The following FOXN3 variants were observed in gnomAD, a reference collection of about 807,000 sequenced individuals.
The protein encoded by FOXN3 is forkhead box protein N3.
A neutral mutation model predicts 38.4 loss-of-function variants in FOXN3; 7 were observed. That is an observed-to-expected ratio of 0.18 (90% CI 0.10 to 0.34). The LOEUF (loss-of-function observed/expected upper bound fraction) is 0.34, where lower values mean the gene tolerates loss of function less well. FOXN3 is among the 10% of genes least tolerant of loss of function. The probability of loss-of-function intolerance (pLI) is 1.00; values close to 1 mark genes in which losing one functional copy is unlikely to be tolerated. For synonymous variants in FOXN3, 230 were observed against 242.2 expected, an observed-to-expected ratio of 0.95 and a Z score of 0.47; for missense variants, 456 against 613.4, an observed-to-expected ratio of 0.74 and a Z score of 2.71.
chr14:89,569,948 T>A (rs1332533195), intron 1 of FOXN3, among the ~76,000 whole-genome samples: 1 of 151,830 alleles, frequency 6.6e-6, no homozygotes, highest in Non-Finnish European at 1.5e-5. Context: ...CCGGCAAGGC[T>A]TACTTACTCA....
chr14:89,529,392 C>G (rs979075889), intron 1 of FOXN3, among the ~76,000 whole-genome samples: 1 of 152,188 alleles, frequency 6.6e-6, no homozygotes, highest in Non-Finnish European at 1.5e-5. Flanking sequence ...GCCAGTACAA[C>G]TTTACTGTTA....
Position 89,164,696 on chromosome 14 carries a change from TCCA to T in FOXN3, c.852-1730_852-1728del, listed in dbSNP as rs1887195237. 6.6e-6 allele frequency among the ~76,000 whole-genome samples: 1 copy of T among 152,150 alleles called. No homozygotes were observed. Among genetic ancestry groups the T allele is most frequent in the Admixed American group, 6.5e-5 (1 of 15,280 alleles). Reference sequence around the variant, plus strand: ...GAAGCTTGGGAAATGACTGTGGGTCTCCACCACCATGACTCACCGGGCACACGC... The same window carrying T: ...GAAGCTTGGGAAATGACTGTGGGTCTCCACCATGACTCACCGGGCACACGC... On this transcript the variant is annotated intron_variant, in intron 5 of 5. Transcript: ENST00000557258. The surrounding 1 kb of genome is among the most constrained non-coding windows in gnomAD (Gnocchi z 4.3).
At chr14:89,177,009 CTTTTTTTTTT>C (rs34575638) in intron 5 of FOXN3, among the ~76,000 whole-genome samples, 1 of 114,220 alleles carries the variant, frequency 8.8e-6, no homozygotes, top group Admixed American at 9.1e-5. Flanking sequence ...CTCTTTCTTT[CTTTTTTTTTT>C]TTTTTTTTTT....
chr14:89,482,703 G>T (rs1001847826), intron 1 of FOXN3, among the ~76,000 whole-genome samples: 9 of 151,978 alleles, frequency 5.9e-5, no homozygotes, highest in Non-Finnish European at 1.3e-4. Context: ...GAGGCCAGGA[G>T]TTCAAGAGCA....
intron 1 of FOXN3, among the ~76,000 whole-genome samples, chr14:89,472,446 C>T (rs113057934): frequency 1.1e-4 from 16 of 150,048 alleles, no homozygotes; most frequent in East Asian, 4.0e-4. Context: ...GCAGGCCGGG[C>T]GCGGTGGCTC....
chr14:89,588,627 C>G (rs1895894298), intron 1 of FOXN3, among the ~76,000 whole-genome samples: 1 of 152,166 alleles, frequency 6.6e-6, no homozygotes, highest in African/African-American at 2.4e-5. Context: ...TCACCATGCC[C>G]AACCAAATAC....
intron 1 of FOXN3, among the ~76,000 whole-genome samples, chr14:89,538,172 T>A (rs1490280634): frequency 6.6e-6 from 1 of 152,206 alleles, no homozygotes; most frequent in Admixed American, 6.5e-5. Flanking sequence ...GAAAAACAGA[T>A]CCACGTAATG....
Position 89,180,817 on chromosome 14 carries a change from A to G in FOXN3, c.746-11T>C, listed in dbSNP as rs765771569. On this transcript the variant is annotated splice_polypyrimidine_tract_variant and intron_variant, in intron 4 of 5. Coordinates refer to ENST00000557258, the MANE Select transcript of FOXN3 (RefSeq NM_005197.4). The stretch of plus-strand genomic sequence containing the variant: ...TCACTCCTGGAGGAACTGAAAAAGC[A>G]AAGGGGAGAAAGACACCGCACGTGA... 3.1e-6 allele frequency: 5 copies of G among 1,595,078 alleles called. No homozygotes were observed. Among genetic ancestry groups the G allele is most frequent in the Non-Finnish European group, 3.4e-6 (4 of 1,167,826 alleles).
intron 1 of FOXN3, among the ~76,000 whole-genome samples, chr14:89,487,094 A>G (rs570306640): frequency 6.6e-6 from 1 of 152,316 alleles, no homozygotes; most frequent in Admixed American, 6.5e-5. Context: ...TGGGTAGACC[A>G]AGTGTACACG....
rs1267929590 is a variant in FOXN3 at position 89,444,006 on chromosome 14, T to TCA, written c.-14-31518_-14-31517dup. Among the ~76,000 whole-genome samples, 5 of 7,018 alleles carry TCA rather than the reference T, an allele frequency of 7.1e-4. 1 individual carries two copies. In the East Asian group the frequency reaches 0.029, roughly 41 times the overall value. The allele number at this position is 7,018 out of a possible 152,430, so 4.6% of individuals were successfully genotyped here. ...CCTGGGCAACAAGAATGAAACTCTG[T>TCA]CAAAAAAAAAAAAAAAAAAAAAAGC... On this transcript the variant is annotated intron_variant, in intron 1 of 6. Coordinates refer to the FOXN3 transcript ENST00000345097.
intron 2 of FOXN3, among the ~76,000 whole-genome samples, chr14:89,370,399 C>T (rs1566970545): frequency 6.6e-6 from 1 of 152,200 alleles, no homozygotes; most frequent in Non-Finnish European, 1.5e-5. Context: ...TGGGGTTGCC[C>T]CCATGACAAA....
rs1415959869 is a variant in FOXN3 at position 89,164,685 on chromosome 14, G to A, written c.852-1716C>T. ...GCTGAGAGCATGAAGCTTGGGAAAT[G>A]ACTGTGGGTCTCCACCACCATGACT... On this transcript the variant is annotated intron_variant, in intron 5 of 5. Coordinates refer to ENST00000557258, the MANE Select transcript of FOXN3 (RefSeq NM_005197.4). The surrounding 1 kb of genome is among the most constrained non-coding windows in gnomAD (Gnocchi z 4.3). 6.6e-6 allele frequency among the ~76,000 whole-genome samples: 1 copy of A among 152,182 alleles called. No individual in the cohort carries two copies. Among genetic ancestry groups the A allele is most frequent in the Non-Finnish European group, 1.5e-5 (1 of 68,032 alleles).
intron 1 of FOXN3, among the ~76,000 whole-genome samples, chr14:89,463,236 C>T (rs1426844213): frequency 4.6e-5 from 7 of 150,824 alleles, no homozygotes; most frequent in Admixed American, 2.6e-4. Flanking sequence ...CTGCAGTGAG[C>T]GGACTCCAGC....
At position 89,157,453 on chromosome 14, in the gene FOXN3, C is replaced by T. The variant is rs376578697; in HGVS notation, c.*4961G>A. On this transcript the variant is annotated 3_prime_UTR_variant, in exon 6 of 6. Transcript: ENST00000557258. Reference sequence around the variant, plus strand: ...AACACAAGGAGTTAACCACCATCGCCGGTGCTCTCTCAAAGGAAGAGGGGT... The same window carrying T: ...AACACAAGGAGTTAACCACCATCGCTGGTGCTCTCTCAAAGGAAGAGGGGT... 16 of 152,716 alleles carry T rather than the reference C, an allele frequency of 1.0e-4. No homozygotes were observed. The highest frequency in any genetic ancestry group is 3.6e-4 in the African/African-American group (15 of 41,562). 9.5% of individuals were successfully genotyped at this position (152,716 alleles called of 1,614,324 possible).
intron 4 of FOXN3, among the ~76,000 whole-genome samples, chr14:89,245,746 G>T (rs1029111105): frequency 6.6e-6 from 1 of 152,148 alleles, no homozygotes; most frequent in Non-Finnish European, 1.5e-5. Flanking sequence ...CTCCAAAAAA[G>T]TGGAGCTTAT....
chr14:89,352,515 G>C (rs554976133), intron 2 of FOXN3, among the ~76,000 whole-genome samples: 85 of 152,238 alleles, frequency 5.6e-4, no homozygotes, highest in African/African-American at 1.9e-3. Flanking sequence ...CAACAGTAGG[G>C]GTCTGGCCTG....
chr14:89,430,509 T>C (rs189887708), intron 1 of FOXN3, among the ~76,000 whole-genome samples: 146 of 152,342 alleles, frequency 9.6e-4, no homozygotes, highest in African/African-American at 3.2e-3. Context: ...TTTTAGCTCT[T>C]CTGTTTTTAT....
chr14:89,209,262 C>T (rs1276219403), intron 4 of FOXN3, among the ~76,000 whole-genome samples: 1 of 152,242 alleles, frequency 6.6e-6, no homozygotes, highest in Non-Finnish European at 1.5e-5. Context: ...CTAATCTGTG[C>T]CTCTCCCATT....
chr14:89,505,341 G>A (rs867264275), intron 1 of FOXN3, among the ~76,000 whole-genome samples: 125 of 148,030 alleles, frequency 8.4e-4, no homozygotes, highest in African/African-American at 2.9e-3. Flanking sequence ...GCTGGACTGT[G>A]CTGCTGCCAT....
Sources: allele counts gnomAD v4.1 joint callset (sites outside exome capture counted in the v4.1 genomes callset), GRCh38; gene constraint gnomAD v4.1.1; non-coding constraint Gnocchi (gnomAD v3.1); transcripts MANE v1.5; gene names NCBI Gene and HGNC (gene_info 2026-07-23, HGNC 2026-07-21).